SPIDR: variants seen among roughly 807,000 people sequenced by gnomAD.
SPIDR encodes DNA repair-scaffolding protein.
SPIDR carries 93 observed loss-of-function variants against 104.6 expected under a neutral mutation model. The observed-to-expected ratio is 0.89, with a 90% confidence interval of 0.75 to 1.06. The LOEUF (loss-of-function observed/expected upper bound fraction) is 1.06. SPIDR is among the 50% of genes least tolerant of loss of function. SPIDR has a pLI of 0.00. For synonymous variants in SPIDR, 431 were observed against 416.9 expected, an observed-to-expected ratio of 1.03 and a Z score of -0.41; for missense variants, 1,154 against 1,111.2, an observed-to-expected ratio of 1.04 and a Z score of -0.55.
intron 8 of SPIDR, among the ~76,000 whole-genome samples, chr8:47,549,745 G>A (rs971743898): frequency 4.6e-5 from 7 of 152,114 alleles, no homozygotes; most frequent in African/African-American, 1.7e-4. Context: ...AGTTTCTTTT[G>A]CCGTGCAGAA....
chr8:47,290,817 A>G (rs2039777462), intron 3 of SPIDR, among the ~76,000 whole-genome samples: 2 of 152,094 alleles, frequency 1.3e-5, no homozygotes, highest in South Asian at 2.1e-4. Flanking sequence ...AACCAGTTCT[A>G]CTTCTTTTTC....
chr8:47,543,343 T>C (rs1410470483), intron 8 of SPIDR, among the ~76,000 whole-genome samples: 2 of 152,234 alleles, frequency 1.3e-5, no homozygotes, highest in African/African-American at 2.4e-5. Flanking sequence ...TCACTATTTT[T>C]AAATTTTTAT....
At chr8:47,565,824 C>T (rs1374304256) in intron 8 of SPIDR, among the ~76,000 whole-genome samples, 1 of 149,106 alleles carries the variant, frequency 6.7e-6, no homozygotes, top group African/African-American at 2.5e-5. Context: ...ATTGTTTAAC[C>T]TATATTAACA....
chr8:47,417,157 G>T (rs1292831259), intron 7 of SPIDR, among the ~76,000 whole-genome samples: 1 of 152,118 alleles, frequency 6.6e-6, no homozygotes, highest in African/African-American at 2.4e-5. Context: ...TGGGATGGCT[G>T]GGTCAAATGG....
chr8:47,631,916 A>G (rs960277902), intron 10 of SPIDR, among the ~76,000 whole-genome samples: 1 of 152,166 alleles, frequency 6.6e-6, no homozygotes, highest in Admixed American at 6.5e-5. Context: ...GAGCATTTAT[A>G]ATAATATTTT....
intron 7 of SPIDR, among the ~76,000 whole-genome samples, chr8:47,417,020 C>T (rs553328466): frequency 9.3e-4 from 141 of 152,216 alleles, no homozygotes; most frequent in African/African-American, 3.3e-3. Flanking sequence ...TTAATCCAGT[C>T]TATGATTTTT....
intron 11 of SPIDR, among the ~76,000 whole-genome samples, chr8:47,692,487 C>CTTTTTTT (rs1171012398): frequency 1.8e-4 from 21 of 119,284 alleles, no homozygotes; most frequent in South Asian, 2.7e-4. Context: ...TCAGAATTTC[C>CTTTTTTT]TTTTTTTTTT....
chr8:47,613,813 A>T (rs1392133657), intron 10 of SPIDR, among the ~76,000 whole-genome samples: 1 of 152,090 alleles, frequency 6.6e-6, no homozygotes, highest in Admixed American at 6.5e-5. Context: ...GTCTTTTTTT[A>T]AAATTATATT....
At chr8:47,487,228 T>A (rs2077800927) in intron 8 of SPIDR, among the ~76,000 whole-genome samples, 1 of 152,160 alleles carries the variant, frequency 6.6e-6, no homozygotes, top group Non-Finnish European at 1.5e-5. Flanking sequence ...AAACAGACTT[T>A]AAACCAACAA....
At chr8:47,508,202 T>A (rs2081774430) in intron 8 of SPIDR, among the ~76,000 whole-genome samples, 5 of 152,200 alleles carry the variant, frequency 3.3e-5, no homozygotes, top group Admixed American at 2.6e-4. Context: ...GACGTTCCTA[T>A]AGACTGAGTT....
chr8:47,503,900 G>C (rs937783320), intron 8 of SPIDR, among the ~76,000 whole-genome samples: 1 of 152,154 alleles, frequency 6.6e-6, no homozygotes, highest in Non-Finnish European at 1.5e-5. Flanking sequence ...ATGAAGCTTA[G>C]TTTGGCTGGA....
Position 47,440,320 on chromosome 8 carries a change from TA to T in SPIDR, c.878-2del. 1 of 1,613,080 alleles carries T rather than the reference TA, an allele frequency of 6.2e-7. No individual in the cohort carries two copies. Among genetic ancestry groups the T allele is most frequent in the Non-Finnish European group, 8.5e-7 (1 of 1,179,040 alleles). ...TTGCTTTGTTCTTTTCTTCAACTTCTAGGTAGAAAATCTGGTGTATTAACTG... is the reference window on the plus strand; with the variant it reads ...TTGCTTTGTTCTTTTCTTCAACTTCTGGTAGAAAATCTGGTGTATTAACTG... On this transcript the variant is annotated splice_acceptor_variant, in intron 7 of 19. Transcript: ENST00000297423. LOFTEE classifies it high-confidence loss of function.
intron 5 of SPIDR, among the ~76,000 whole-genome samples, chr8:47,358,906 A>G (rs567747827): frequency 6.6e-6 from 1 of 152,204 alleles, no homozygotes; most frequent in South Asian, 2.1e-4. Context: ...TCTCTCTATT[A>G]ATAAAATAAC....
chr8:47,523,154 C>T (rs2084432777), intron 8 of SPIDR, among the ~76,000 whole-genome samples: 1 of 152,084 alleles, frequency 6.6e-6, no homozygotes, highest in Non-Finnish European at 1.5e-5. Flanking sequence ...AGCCACCATG[C>T]ATGGCTTTTC....
chr8:47,306,300 C>T lies in SPIDR; in HGVS notation c.525+12270C>T, dbSNP rs944487171. On this transcript the variant is annotated intron_variant, in intron 5 of 19. Transcript: ENST00000297423. ...GGATTATAGGCGCACGCCACCACGC[C>T]TAGCTAATTTTTGTATTTTTACTAG... Among the ~76,000 whole-genome samples, 6 of 152,090 alleles carry T rather than the reference C, an allele frequency of 3.9e-5. No individual in the cohort carries two copies. The South Asian group carries it at 1.0e-3, about 26-fold the overall frequency.
At chr8:47,435,681 G>A (rs782722405) in intron 7 of SPIDR, among the ~76,000 whole-genome samples, 1 of 152,124 alleles carries the variant, frequency 6.6e-6, no homozygotes, top group South Asian at 2.1e-4. Context: ...TTCTTTTTCA[G>A]TGCAAGTTCT....
At chr8:47,452,553 T>C (rs1394013039) in intron 8 of SPIDR, among the ~76,000 whole-genome samples, 26 of 152,270 alleles carry the variant, frequency 1.7e-4, no homozygotes, top group African/African-American at 6.0e-4. Flanking sequence ...CAAGGCTGGT[T>C]CAACATATGC....
At chr8:47,307,875 G>A (rs2043375746) in intron 5 of SPIDR, among the ~76,000 whole-genome samples, 2 of 152,008 alleles carry the variant, frequency 1.3e-5, no homozygotes, top group South Asian at 4.1e-4. Context: ...TTGTCATAAA[G>A]TCTTTCTCTG....
chr8:47,381,628 T>G (rs2059338850), intron 5 of SPIDR, among the ~76,000 whole-genome samples: 1 of 152,168 alleles, frequency 6.6e-6, no homozygotes. Flanking sequence ...TTCGGGCAGG[T>G]CTGGGCCTGG....
Sources: allele counts gnomAD v4.1 joint callset (sites outside exome capture counted in the v4.1 genomes callset), GRCh38; gene constraint gnomAD v4.1.1; transcripts MANE v1.5; gene names NCBI Gene and HGNC (gene_info 2026-07-23, HGNC 2026-07-21).